Variants in VWA3B observed in about 807,000 individuals in gnomAD.
VWA3B encodes von Willebrand factor A domain containing 3B.
VWA3B carries 138 observed loss-of-function variants against 158.3 expected under a neutral mutation model. The observed-to-expected ratio is 0.87, with a 90% CI of 0.76 to 1.00. The LOEUF is 1.00. VWA3B is among the 50% of genes least tolerant of loss of function. VWA3B has a pLI of 0.00. For missense variants in VWA3B, 1,555 were observed against 1,565.1 expected, an observed-to-expected ratio of 0.99 and a Z score of 0.11; for synonymous variants, 596 against 587.3, an observed-to-expected ratio of 1.01 and a Z score of -0.21.
intron 7 of VWA3B, among the ~76,000 whole-genome samples, chr2:98,155,859 G>A (rs1025812176): frequency 1.3e-5 from 2 of 152,164 alleles, no homozygotes; most frequent in African/African-American, 4.8e-5. Flanking sequence ...ATCCAGGCAT[G>A]AGAATATTGC....
chr2:98,119,075 G>A (rs888246938), intron 3 of VWA3B, among the ~76,000 whole-genome samples: 20 of 152,208 alleles, frequency 1.3e-4, no homozygotes, highest in Non-Finnish European at 2.6e-4. Context: ...GCATCCTTTA[G>A]AGGAAGCCAG....
At chr2:98,170,060 G>C (rs1389523292) in intron 8 of VWA3B, among the ~76,000 whole-genome samples, 2 of 152,114 alleles carry the variant, frequency 1.3e-5, no homozygotes. Context: ...GTGGGGAGTC[G>C]AGGTGGCAGT....
chr2:98,314,997 G>GA (rs1266336372), downstream of VWA3B, among the ~76,000 whole-genome samples: 3 of 148,308 alleles, frequency 2.0e-5, no homozygotes, highest in East Asian at 2.0e-4. Context: ...AAAAAAAAAA[G>GA]AAAAAAAAGA....
chr2:98,264,893 G>A (rs998295055), intron 21 of VWA3B, among the ~76,000 whole-genome samples: 4 of 151,988 alleles, frequency 2.6e-5, no homozygotes, highest in East Asian at 1.9e-4. Flanking sequence ...CTGATGCTAG[G>A]TGCACATATA....
At chr2:98,109,830 C>T (rs1240486103) in intron 2 of VWA3B, among the ~76,000 whole-genome samples, 6 of 150,710 alleles carry the variant, frequency 4.0e-5, no homozygotes, top group African/African-American at 1.5e-4. Flanking sequence ...ATATTGTGCC[C>T]ATTCTTTCTG....
intron 10 of VWA3B, among the ~76,000 whole-genome samples, chr2:98,189,652 A>C (rs1004850763): frequency 3.3e-5 from 5 of 152,136 alleles, no homozygotes; most frequent in African/African-American, 1.2e-4. Flanking sequence ...TTGTTCTATA[A>C]ATTATTGAGA....
intron 8 of VWA3B, among the ~76,000 whole-genome samples, chr2:98,176,559 T>G (rs2105325088): frequency 6.6e-6 from 1 of 151,588 alleles, no homozygotes; most frequent in African/African-American, 2.4e-5. Flanking sequence ...TTCAGCTAAT[T>G]CACAGCATTC....
chr2:98,193,552 A>G (rs767565416), intron 11 of VWA3B, among the ~76,000 whole-genome samples: 1 of 152,144 alleles, frequency 6.6e-6, no homozygotes, highest in Non-Finnish European at 1.5e-5. Context: ...ATGTATTATT[A>G]ACCATAGAAA....
intron 10 of VWA3B, chr2:98,192,475 G>A (rs953665668): frequency 5.2e-6 from 1 of 191,124 alleles, no homozygotes; most frequent in African/African-American, 2.4e-5. Flanking sequence ...GCCAGGAGAA[G>A]AAATTTCACA....
intron 21 of VWA3B, among the ~76,000 whole-genome samples, chr2:98,257,006 G>T (rs1255033127): frequency 6.6e-6 from 1 of 151,914 alleles, no homozygotes; most frequent in Non-Finnish European, 1.5e-5. Flanking sequence ...TGTTAACTAT[G>T]GTCTCCCTAC....
chr2:98,311,075 G>C (rs949348161), intron 26 of VWA3B, among the ~76,000 whole-genome samples: 28 of 152,240 alleles, frequency 1.8e-4, no homozygotes, highest in African/African-American at 6.5e-4. Context: ...ATTGAAGGCA[G>C]GTTGATCAAG....
chr2:98,157,001 C>T (rs796923954), intron 7 of VWA3B, among the ~76,000 whole-genome samples: 56 of 152,204 alleles, frequency 3.7e-4, no homozygotes, highest in African/African-American at 8.4e-4. Flanking sequence ...GTTTTCTAAA[C>T]GAATTTTGGA....
chr2:98,277,394 T>A (rs561383911), intron 22 of VWA3B, among the ~76,000 whole-genome samples: 2 of 152,288 alleles, frequency 1.3e-5, no homozygotes, highest in Non-Finnish European at 2.9e-5. Flanking sequence ...GGGAGCCTGG[T>A]CTAGGGCAGC....
intron 19 of VWA3B, 127 bp downstream of exon 19, chr2:98,236,857 T>C (rs759374229): frequency 2.1e-5 from 28 of 1,331,504 alleles, no homozygotes; most frequent in Non-Finnish European, 2.8e-5. Flanking sequence ...AAAGTATTTG[T>C]AAAGGCAGTA....
chr2:98,191,113 A>G (rs1681536670), intron 10 of VWA3B, among the ~76,000 whole-genome samples: 1 of 151,892 alleles, frequency 6.6e-6, no homozygotes, highest in African/African-American at 2.4e-5. Context: ...TTCTTCTCCT[A>G]ATGTCTAATG....
At chr2:98,140,786 T>C (rs1676721424) in intron 7 of VWA3B, among the ~76,000 whole-genome samples, 1 of 152,186 alleles carries the variant, frequency 6.6e-6, no homozygotes, top group Admixed American at 6.5e-5. Flanking sequence ...CCATGAAATA[T>C]TAATATTCAT....
chr2:98,284,231 AC>A (rs1262213330), intron 22 of VWA3B, among the ~76,000 whole-genome samples: 37 of 152,128 alleles, frequency 2.4e-4, no homozygotes, highest in Admixed American at 2.4e-3. Flanking sequence ...AGAGACCTTA[AC>A]CCCTCAGCTT....
chr2:98,114,896 T>G (rs1674408977), intron 2 of VWA3B, among the ~76,000 whole-genome samples: 1 of 152,196 alleles, frequency 6.6e-6, no homozygotes, highest in Non-Finnish European at 1.5e-5. Context: ...ATGCAACAGA[T>G]ATTTGAATAG....
At chr2:98,166,824 A>ACACACACACACACT (rs753657308) in intron 8 of VWA3B, among the ~76,000 whole-genome samples, 4 of 150,948 alleles carry the variant, frequency 2.6e-5, no homozygotes, top group African/African-American at 4.8e-5. Flanking sequence ...ACACACACAC[A>ACACACACACACACT]CTCAAACTAA....
Sources: allele counts gnomAD v4.1 joint callset (sites outside exome capture counted in the v4.1 genomes callset), GRCh38; gene constraint gnomAD v4.1.1; transcripts MANE v1.5; gene names NCBI Gene and HGNC (gene_info 2026-07-23, HGNC 2026-07-21).